Variants in MAN1C1 observed in about 807,000 individuals in gnomAD.
MAN1C1 encodes mannosyl-oligosaccharide 1,2-alpha-mannosidase IC.
A neutral mutation model predicts 71.5 loss-of-function variants in MAN1C1; 49 were observed. The ratio of observed to expected loss-of-function variants is 0.69; its 90% CI spans 0.54 to 0.87. The LOEUF is 0.87. MAN1C1 is among the 40% of genes least tolerant of loss of function. The pLI, the probability that MAN1C1 is intolerant of heterozygous loss-of-function variation, is 0.00. For synonymous variants in MAN1C1, 352 were observed against 343.7 expected (o/e 1.02, Z -0.27); for missense variants, 743 against 835.0 (o/e 0.89, Z 1.36).
intron 1 of MAN1C1, chr1:25,644,497 C>CATGTATATATATATATATAT (rs1553182563): frequency 6.2e-5 from 5 of 80,146 alleles, no homozygotes; most frequent in African/African-American, 3.6e-4. Flanking sequence ...GTACCAGAGA[C>CATGTATATATATATATATAT]ATATATATAT....
intron 1 of MAN1C1, among the ~76,000 whole-genome samples, chr1:25,657,461 G>A (rs911182098): frequency 1.4e-4 from 21 of 152,188 alleles, no homozygotes; most frequent in African/African-American, 4.6e-4. Context: ...TCTTGCAGCC[G>A]GAGGTGCCTA....
intron 6 of MAN1C1, chr1:25,758,948 G>T: frequency 2.0e-6 from 1 of 501,384 alleles, no homozygotes; most frequent in South Asian, 2.5e-5. Context: ...GGAGAGACAA[G>T]ATTCTGCCGG....
At chr1:25,741,432 G>A (rs2047062942) in intron 2 of MAN1C1, among the ~76,000 whole-genome samples, 1 of 152,180 alleles carries the variant, frequency 6.6e-6, no homozygotes, top group Admixed American at 6.5e-5. Flanking sequence ...AGGGTAGAAG[G>A]AGAAGCAAGA....
intron 2 of MAN1C1, among the ~76,000 whole-genome samples, chr1:25,688,097 T>C (rs1039170640): frequency 6.6e-6 from 1 of 152,212 alleles, no homozygotes; most frequent in African/African-American, 2.4e-5. Context: ...ATTGTTTCCA[T>C]TTTTTTGCTA....
rs2047605258 is a variant in MAN1C1, at chr1:25,775,316, A to G, written c.1258-2789A>G. Among the ~76,000 whole-genome samples the G allele has an allele frequency of 6.6e-6, 1 of 152,238 alleles. No homozygotes were observed. The highest frequency in any genetic ancestry group is 2.1e-4 in the South Asian group (1 of 4,836). On this transcript the variant is annotated intron_variant, in intron 8 of 11. Transcript: ENST00000374332. This position sits in a 1 kb window ranked among gnomAD's most constrained non-coding sequence, Gnocchi z 5.1. ...GCCCGGCTGCTCTGCAGGTGTCCTC[A>G]GCACTCCCCCATGTGGAGCAGGTGC...
chr1:25,737,942 G>T (rs2047005543), intron 2 of MAN1C1, among the ~76,000 whole-genome samples: 1 of 152,146 alleles, frequency 6.6e-6, no homozygotes, highest in African/African-American at 2.4e-5. Flanking sequence ...CAGGACAAGA[G>T]GTGAGGCTGG....
intron 1 of MAN1C1, among the ~76,000 whole-genome samples, chr1:25,661,769 A>T (rs1204818211): frequency 6.6e-6 from 1 of 152,182 alleles, no homozygotes; most frequent in African/African-American, 2.4e-5. Flanking sequence ...TTGAAGGGAG[A>T]TCTAAGATGA....
intron 1 of MAN1C1, among the ~76,000 whole-genome samples, chr1:25,630,809 A>G (rs1008128684): frequency 3.9e-5 from 6 of 152,140 alleles, no homozygotes; most frequent in African/African-American, 1.4e-4. Context: ...AGTCTTTTGG[A>G]GGAATCTTTA....
rs1428467665 is a variant in MAN1C1 at position 25,687,305 on chromosome 1, C to G, written c.637+769C>G. Among the ~76,000 whole-genome samples the G allele has an allele frequency of 2.6e-5, 4 of 152,296 alleles. No individual in the cohort carries two copies. In the East Asian group the frequency reaches 5.8e-4, roughly 22 times the overall value. On this transcript the variant is annotated intron_variant, in intron 2 of 11. Coordinates refer to ENST00000374332, the MANE Select transcript of MAN1C1 (RefSeq NM_020379.4). ...CCTCCAGCCACAGGATTCTCCTAACCTAGAGCCTTGGGAGTCTCTCTCTGT... is the reference window on the plus strand; with the variant it reads ...CCTCCAGCCACAGGATTCTCCTAACGTAGAGCCTTGGGAGTCTCTCTCTGT...
intron 7 of MAN1C1, among the ~76,000 whole-genome samples, chr1:25,770,286 C>G (rs1416799470): frequency 2.0e-5 from 3 of 152,240 alleles, no homozygotes; most frequent in Admixed American, 6.5e-5. Flanking sequence ...TTTGCAGATG[C>G]TGGTCCGCTC....
chr1:25,706,074 A>T (rs1307324454), intron 2 of MAN1C1, among the ~76,000 whole-genome samples: 2 of 152,210 alleles, frequency 1.3e-5, no homozygotes, highest in Non-Finnish European at 2.9e-5. Flanking sequence ...CAGCTGGCAA[A>T]CTGCAGAGCC....
At chr1:25,718,485 T>C (rs1238247983) in intron 2 of MAN1C1, among the ~76,000 whole-genome samples, 1 of 152,250 alleles carries the variant, frequency 6.6e-6, no homozygotes, top group Admixed American at 6.5e-5. Flanking sequence ...TTGCCAATTG[T>C]AATGTACTAT....
intron 2 of MAN1C1, among the ~76,000 whole-genome samples, chr1:25,706,223 C>T (rs1393996683): frequency 2.0e-5 from 3 of 152,188 alleles, no homozygotes; most frequent in Non-Finnish European, 2.9e-5. Context: ...CTCCTGGAGT[C>T]CTCTCACACC....
At chr1:25,670,411 G>A (rs541850028) in intron 1 of MAN1C1, among the ~76,000 whole-genome samples, 6 of 152,164 alleles carry the variant, frequency 3.9e-5, no homozygotes, top group African/African-American at 9.7e-5. Context: ...AACTGGTTCC[G>A]CCTCTTTCAT....
At chr1:25,721,202 G>T (rs949671086) in intron 2 of MAN1C1, among the ~76,000 whole-genome samples, 1 of 152,028 alleles carries the variant, frequency 6.6e-6, no homozygotes, top group South Asian at 2.1e-4. Context: ...GCCCAGGCTT[G>T]TCTCAAACTC....
intron 6 of MAN1C1, chr1:25,761,673 G>A (rs967298587): frequency 7.6e-6 from 1 of 132,044 alleles, no homozygotes; most frequent in African/African-American, 3.0e-5. Flanking sequence ...GCCCAGCCTG[G>A]AGTGCAGTGG....
At chr1:25,770,424 T>G (rs2047534608) in intron 7 of MAN1C1, among the ~76,000 whole-genome samples, 1 of 152,208 alleles carries the variant, frequency 6.6e-6, no homozygotes, top group African/African-American at 2.4e-5. Flanking sequence ...TGCCCTGTCT[T>G]TTGGTCCCTT....
rs1311644157 is a variant in MAN1C1, at chr1:25,617,156, A to G, written c.-642A>G. On this transcript the variant is annotated 5_prime_UTR_variant, in exon 1 of 12. Coordinates refer to ENST00000374332, the MANE Select transcript of MAN1C1 (RefSeq NM_020379.4). The surrounding 1 kb of genome is among the most constrained non-coding windows in gnomAD (Gnocchi z 5.1). Reference sequence around the variant, plus strand: ...AAGTGCCTGCTCCTGCTCCCTGGCCACTCCGGCTCCCAGCTCCCGGCGCCC... The same window carrying G: ...AAGTGCCTGCTCCTGCTCCCTGGCCGCTCCGGCTCCCAGCTCCCGGCGCCC... Among the ~76,000 whole-genome samples, 2 of 150,752 alleles carry G rather than the reference A, an allele frequency of 1.3e-5. No homozygotes were observed. The highest frequency in any genetic ancestry group is 4.9e-5 in the African/African-American group (2 of 40,990).
At chr1:25,659,334 C>T (rs1264164751) in intron 1 of MAN1C1, among the ~76,000 whole-genome samples, 3 of 152,188 alleles carry the variant, frequency 2.0e-5, no homozygotes, top group Non-Finnish European at 4.4e-5. Context: ...ATACGTCTCA[C>T]CTGGATGACC....
Sources: gnomAD v4.1 joint callset for allele counts (sites outside exome capture counted in the v4.1 genomes callset) on GRCh38, gnomAD v4.1.1 for gene constraint, Gnocchi (gnomAD v3.1) non-coding constraint, MANE v1.5 for transcripts, NCBI Gene and HGNC (gene_info 2026-07-23, HGNC 2026-07-21) for gene names.